SAMD13: variants seen among roughly 807,000 people sequenced by gnomAD.
The protein encoded by SAMD13 is sterile alpha motif domain containing 13.
Under a neutral mutation model 12.4 loss-of-function variants are expected in SAMD13, and 9 were observed. The observed-to-expected ratio is 0.72, with a 90% CI of 0.44 to 1.26. The LOEUF is 1.26. SAMD13 is among the 50% of genes most tolerant of loss of function. The pLI is 0.00. For synonymous variants in SAMD13, 46 were observed against 45.4 expected, an observed-to-expected ratio of 1.01 and a Z score of -0.05; for missense variants, 84 against 119.6, an observed-to-expected ratio of 0.70 and a Z score of 1.39.
chr1:84,299,015 G>C (rs1572683381), upstream of SAMD13, among the ~76,000 whole-genome samples: 1 of 152,130 alleles, frequency 6.6e-6, no homozygotes, highest in Non-Finnish European at 1.5e-5. Context: ...TGTGGCTCTG[G>C]GCCGGCGCTG....
At position 84,349,933 on chromosome 1, in the gene SAMD13, C is replaced by T; in HGVS notation, c.*159C>T. The stretch of plus-strand genomic sequence containing the variant: ...TTGGATAGACTAGGCAATTCATCAG[C>T]TCACCTGAAATCAGCCAGGAGGAGC... On this transcript the variant is annotated 3_prime_UTR_variant, in exon 4 of 4. Transcript: ENST00000394834. 1 of 1,340,452 alleles carries T rather than the reference C, an allele frequency of 7.5e-7. No homozygotes were observed. The highest frequency in any genetic ancestry group is 1.5e-5 in the African/African-American group (1 of 68,376). 83.0% of individuals were successfully genotyped at this position (1,340,452 alleles called of 1,614,324 possible). A position where few individuals can be genotyped will look rare whatever the true frequency, so the allele number is the denominator to read the frequency against.
chr1:84,306,830 AAATAATAAT>A (rs56408257), intron 2 of SAMD13, among the ~76,000 whole-genome samples: 17 of 144,462 alleles, frequency 1.2e-4, no homozygotes, highest in South Asian at 4.3e-4. Flanking sequence ...CTCCGTCTCA[AAATAATAAT>A]AATAATAATA....
chr1:84,343,341 G>T (rs1472421584), intron 3 of SAMD13, among the ~76,000 whole-genome samples: 1 of 152,174 alleles, frequency 6.6e-6, no homozygotes, highest in African/African-American at 2.4e-5. Flanking sequence ...TGATTCAGCA[G>T]TCCCATTACT....
At chr1:84,315,011 T>C in intron 2 of SAMD13, among the ~76,000 whole-genome samples, 1 of 140,004 alleles carries the variant, frequency 7.1e-6, no homozygotes, top group Non-Finnish European at 1.6e-5. Flanking sequence ...TCTCTCCTTC[T>C]CTCTTTCTTT....
chr1:84,298,589 C>T, upstream of SAMD13: 1 of 1,285,224 alleles, frequency 7.8e-7, no homozygotes, highest in South Asian at 3.7e-5. Flanking sequence ...GCCTGTGCGC[C>T]CAGGGCGTGG....
At chr1:84,328,422 A>G (rs1258699289) in intron 3 of SAMD13, among the ~76,000 whole-genome samples, 1 of 152,230 alleles carries the variant, frequency 6.6e-6, no homozygotes, top group Non-Finnish European at 1.5e-5. Context: ...AGCATGGTCC[A>G]GAAGCTTGAG....
chr1:84,337,164 A>G (rs879939074), intron 3 of SAMD13, among the ~76,000 whole-genome samples: 3 of 152,082 alleles, frequency 2.0e-5, no homozygotes, highest in Non-Finnish European at 2.9e-5. Flanking sequence ...GCAAGCTGTC[A>G]GTGGATCTAC....
chr1:84,349,538 T>C, intron 3 of SAMD13, 93 bp from the exon 4 acceptor site: 1 of 1,513,972 alleles, frequency 6.6e-7, no homozygotes, highest in Non-Finnish European at 8.8e-7. Flanking sequence ...TGGGCACAAG[T>C]GGTGTGACTT....
chr1:84,323,002 T>C (rs1313490588), intron 2 of SAMD13, among the ~76,000 whole-genome samples: 1 of 152,194 alleles, frequency 6.6e-6, no homozygotes. Context: ...CATGTGAAGG[T>C]CTGATAACTA....
At chr1:84,347,978 T>A (rs568675224) in intron 3 of SAMD13, among the ~76,000 whole-genome samples, 33 of 152,220 alleles carry the variant, frequency 2.2e-4, no homozygotes, top group Non-Finnish European at 3.2e-4. Context: ...AGACATTTTG[T>A]GTTCTGGTAG....
intron 2 of SAMD13, among the ~76,000 whole-genome samples, chr1:84,318,795 C>T (rs1243080856): frequency 6.6e-6 from 1 of 152,098 alleles, no homozygotes; most frequent in Non-Finnish European, 1.5e-5. Context: ...TATATGGTCT[C>T]ATGATAAATA....
intron 3 of SAMD13, chr1:84,344,654 T>C (rs1679496595): frequency 3.3e-6 from 1 of 307,676 alleles, no homozygotes; most frequent in Non-Finnish European, 6.4e-6. Context: ...CCTGTCTTGG[T>C]GGGGAAAGGC....
At chr1:84,313,065 C>T (rs932862968) in intron 2 of SAMD13, among the ~76,000 whole-genome samples, 27 of 152,120 alleles carry the variant, frequency 1.8e-4, no homozygotes, top group African/African-American at 6.0e-4. Context: ...AAATAGCTAC[C>T]TAAATAACTA....
intron 3 of SAMD13, among the ~76,000 whole-genome samples, chr1:84,334,433 T>G (rs1384371946): frequency 6.6e-6 from 1 of 152,170 alleles, no homozygotes; most frequent in East Asian, 1.9e-4. Context: ...CGTATTTATT[T>G]GGATATTCAT....
intron 3 of SAMD13, chr1:84,345,008 G>A (rs1215952573): frequency 8.8e-6 from 4 of 456,686 alleles, no homozygotes; most frequent in South Asian, 6.2e-5. Context: ...GTAAAGCCAG[G>A]AGATTCCACT....
chr1:84,311,624 C>T lies in SAMD13; in HGVS notation c.53+8337C>T, dbSNP rs144903814. ...CTTTTCAAGAGTCTGCTTCAGAAAA[C>T]GGAACATAGATACCATACAGTGGAA... is the stretch of plus-strand genomic sequence containing the variant. On this transcript the variant is annotated intron_variant, in intron 2 of 3. Transcript: ENST00000394834. Among the ~76,000 whole-genome samples the T allele has an allele frequency of 1.9e-3, 289 of 152,250 alleles. 1 individual carries two copies. The highest frequency in any genetic ancestry group is 0.01 in the Middle Eastern group (3 of 294).
chr1:84,334,592 CT>C (rs1339485362), intron 3 of SAMD13, among the ~76,000 whole-genome samples: 1 of 152,062 alleles, frequency 6.6e-6, no homozygotes, highest in Non-Finnish European at 1.5e-5. Flanking sequence ...TTCTTGTCTT[CT>C]GGTAGCCTTG....
intron 2 of SAMD13, among the ~76,000 whole-genome samples, chr1:84,308,784 A>T (rs990269891): frequency 6.6e-6 from 1 of 152,060 alleles, no homozygotes; most frequent in African/African-American, 2.4e-5. Flanking sequence ...AAATCTGAAA[A>T]TTTTTTAATT....
intron 2 of SAMD13, among the ~76,000 whole-genome samples, chr1:84,318,890 T>C (rs1436695200): frequency 6.6e-6 from 1 of 152,298 alleles, no homozygotes; most frequent in Non-Finnish European, 1.5e-5. Flanking sequence ...GATTTTTCCA[T>C]TGCAAATAAC....
Sources: allele counts gnomAD v4.1 joint callset (sites outside exome capture counted in the v4.1 genomes callset), GRCh38; gene constraint gnomAD v4.1.1; transcripts MANE v1.5; gene names NCBI Gene and HGNC (gene_info 2026-07-23, HGNC 2026-07-21).